RREB1: variants seen among roughly 807,000 people sequenced by gnomAD.
The protein encoded by RREB1 is ras-responsive element-binding protein 1.
Under a neutral mutation model 117.8 loss-of-function variants are expected in RREB1, and 27 were observed. That is an observed-to-expected ratio of 0.23 (90% CI 0.17 to 0.32). RREB1 has a LOEUF of 0.32. Among genes scored for constraint, RREB1 ranks in the 10% least tolerant of loss-of-function variants. The pLI, the probability that RREB1 is intolerant of heterozygous loss-of-function variation, is 1.00. For synonymous variants in RREB1, 1,298 were observed against 1,026.7 expected (o/e 1.26, Z -5.05); for missense variants, 2,577 against 2,378.2 (o/e 1.08, Z -1.74).
chr6:7,178,614 A>G (rs2113521909), intron 2 of RREB1, among the ~76,000 whole-genome samples: 1 of 152,360 alleles, frequency 6.6e-6, no homozygotes, highest in Non-Finnish European at 1.5e-5. Context: ...GTCACAGCCC[A>G]AGGGGCTGGT....
intron 12 of RREB1, among the ~76,000 whole-genome samples, chr6:7,248,076 C>T (rs1769204126): frequency 6.6e-6 from 1 of 152,234 alleles, no homozygotes; most frequent in South Asian, 2.1e-4. Flanking sequence ...TGTGAGCCAT[C>T]AGGAAAGCCC....
intron 5 of RREB1, among the ~76,000 whole-genome samples, chr6:7,188,478 T>C (rs999376798): frequency 2.6e-5 from 4 of 152,148 alleles, no homozygotes; most frequent in African/African-American, 9.7e-5. Flanking sequence ...TAAACGTACA[T>C]AACACAGAAG....
intron 10 of RREB1, among the ~76,000 whole-genome samples, chr6:7,234,722 A>G (rs201303688): frequency 9.2e-5 from 14 of 152,310 alleles, no homozygotes; most frequent in South Asian, 2.1e-4. Context: ...CTTCATGACA[A>G]TCCTGTGAGG....
chr6:7,141,581 C>T (rs1358241534), intron 1 of RREB1, among the ~76,000 whole-genome samples: 2 of 152,160 alleles, frequency 1.3e-5, no homozygotes, highest in Non-Finnish European at 2.9e-5. Flanking sequence ...TAATTATTTC[C>T]CCAAATAAGT....
chr6:7,196,195 G>A (rs928137710), intron 6 of RREB1, among the ~76,000 whole-genome samples: 3 of 136,436 alleles, frequency 2.2e-5, no homozygotes, highest in African/African-American at 2.8e-5. Flanking sequence ...CCCAAAGTTC[G>A]TTGTTTTTTG....
chr6:7,180,228 C>G (rs1764720048), intron 2 of RREB1, among the ~76,000 whole-genome samples: 1 of 152,064 alleles, frequency 6.6e-6, no homozygotes, highest in Admixed American at 6.6e-5. Flanking sequence ...AAGTGCTTTC[C>G]CTAAGATTCC....
At chr6:7,108,409 C>T (rs1760941933) in intron 1 of RREB1, among the ~76,000 whole-genome samples, 1 of 152,040 alleles carries the variant, frequency 6.6e-6, no homozygotes, top group African/African-American at 2.4e-5. Context: ...CGAGCCGCCG[C>T]AGCGCCCCGC....
At chr6:7,217,773 TAA>T (rs989561671) in intron 8 of RREB1, 3 of 152,128 alleles carry the variant, frequency 2.0e-5, no homozygotes, top group African/African-American at 7.2e-5. Flanking sequence ...TATATAAAAT[TAA>T]AATTTTTAGA....
At chr6:7,160,612 CA>C (rs1413329636) in intron 1 of RREB1, among the ~76,000 whole-genome samples, 4 of 152,296 alleles carry the variant, frequency 2.6e-5, no homozygotes, top group African/African-American at 9.6e-5. Context: ...TGAGCTCAAA[CA>C]ATCCTCCCGG....
intron 1 of RREB1, among the ~76,000 whole-genome samples, chr6:7,165,735 G>A (rs370745087): frequency 2.0e-5 from 3 of 152,194 alleles, no homozygotes; most frequent in African/African-American, 7.2e-5. Context: ...TGAAGTGTGC[G>A]CATCTCCTCT....
intron 1 of RREB1, among the ~76,000 whole-genome samples, chr6:7,141,234 C>T (rs1762566665): frequency 6.6e-6 from 1 of 151,990 alleles, no homozygotes; most frequent in African/African-American, 2.4e-5. Context: ...CTGGCGGGGG[C>T]CGGGCGGGGC....
chr6:7,239,698 A>G (rs1768568559), intron 10 of RREB1, among the ~76,000 whole-genome samples: 2 of 152,254 alleles, frequency 1.3e-5, no homozygotes, highest in Admixed American at 1.3e-4. Flanking sequence ...CACATGATCA[A>G]ATGCAGACAT....
intron 12 of RREB1, 124 bp downstream of exon 12, chr6:7,247,345 C>T: frequency 1.2e-6 from 1 of 833,250 alleles, no homozygotes; most frequent in Admixed American, 2.9e-5. Context: ...TGCCGGTGTG[C>T]CCTTTAAGCC....
intron 4 of RREB1, among the ~76,000 whole-genome samples, chr6:7,182,761 G>A (rs1422059171): frequency 6.6e-6 from 1 of 152,208 alleles, no homozygotes; most frequent in African/African-American, 2.4e-5. Context: ...AGGAGGCAGA[G>A]AGTGAATACT....
chr6:7,142,290 G>T (rs1439166021), intron 1 of RREB1, among the ~76,000 whole-genome samples: 1 of 151,822 alleles, frequency 6.6e-6, no homozygotes, highest in East Asian at 1.9e-4. Flanking sequence ...CAGTTCTCGT[G>T]GCTTCCGCTT....
chr6:7,224,215 T>C lies in RREB1; in HGVS notation c.708-2252T>C, dbSNP rs146279932. ...TCAACTCACAGCCAATTTTGTTTTCTCTCTTCCCCAACCCAGGTAATTTCA... is the reference window on the plus strand; with the variant it reads ...TCAACTCACAGCCAATTTTGTTTTCCCTCTTCCCCAACCCAGGTAATTTCA... On this transcript the variant is annotated intron_variant, in intron 8 of 12. Coordinates refer to ENST00000379938, the MANE Select transcript of RREB1 (RefSeq NM_001003699.4). Among the ~76,000 whole-genome samples the C allele has an allele frequency of 2.1e-3, 322 of 152,342 alleles. 2 individuals are homozygous for C. The highest frequency in any genetic ancestry group is 7.6e-3 in the African/African-American group (316 of 41,582).
Position 7,228,980 on chromosome 6 carries a change from C to T in RREB1, c.898-17C>T, listed in dbSNP as rs369853780. 7.7e-5 allele frequency: 114 copies of T among 1,477,732 alleles called. No individual in the cohort carries two copies. Among genetic ancestry groups the T allele is most frequent in the Non-Finnish European group, 9.3e-5 (103 of 1,109,914 alleles). The allele number at this position is 1,477,732 out of a possible 1,614,324, so 91.5% of individuals were successfully genotyped here. ...TTCACATGTGTTCCCTTGCTTTTACCGGTGGGTTCTATATAGGCCTGGTGC... is the reference window on the plus strand; with the variant it reads ...TTCACATGTGTTCCCTTGCTTTTACTGGTGGGTTCTATATAGGCCTGGTGC... On this transcript the variant is annotated splice_polypyrimidine_tract_variant and intron_variant, in intron 9 of 12. Transcript: ENST00000379938.
chr6:7,157,818 C>G lies in RREB1; in HGVS notation c.-284-18837C>G, dbSNP rs149968382. On this transcript the variant is annotated intron_variant, in intron 1 of 12. Transcript: ENST00000379938. ...TCTCTTGTGCTCCCTCTCCACTGTT[C>G]CTCTTTGCTCTTTCATCCCTCCTGA... 9.3e-4 allele frequency among the ~76,000 whole-genome samples: 141 copies of G among 152,170 alleles called. 1 individual carries two copies. Among genetic ancestry groups the G allele is most frequent in the African/African-American group, 3.3e-3 (139 of 41,530 alleles).
Position 7,210,788 on chromosome 6 carries a change from T to C in RREB1, c.426-16T>C. ...TCTTTGTTAGATCACATTGTGTGTG[T>C]GTTTGTTCTTTTCAGACATATGAAG... On this transcript the variant is annotated splice_polypyrimidine_tract_variant and intron_variant, in intron 6 of 12. Transcript: ENST00000379938. The C allele has an allele frequency of 6.2e-7, 1 of 1,607,554 alleles. No homozygotes were observed. The highest frequency in any genetic ancestry group is 8.5e-7 in the Non-Finnish European group (1 of 1,176,258).
Sources: gnomAD v4.1 joint callset for allele counts (sites outside exome capture counted in the v4.1 genomes callset) on GRCh38, gnomAD v4.1.1 for gene constraint, MANE v1.5 for transcripts, NCBI Gene and HGNC (gene_info 2026-07-23, HGNC 2026-07-21) for gene names.